Variants in ZDHHC14 observed in about 807,000 individuals in gnomAD.
ZDHHC14 encodes the protein palmitoyltransferase ZDHHC14.
A neutral mutation model predicts 47.7 loss-of-function variants in ZDHHC14; 16 were observed. The ratio of observed to expected loss-of-function variants is 0.34; its 90% CI spans 0.23 to 0.51. The LOEUF is 0.51. Ranked by LOEUF, ZDHHC14 falls within the 20% of genes least tolerant of loss-of-function variation. The pLI, the probability that ZDHHC14 is intolerant of heterozygous loss-of-function variation, is 0.97. For missense variants in ZDHHC14, 515 were observed against 662.5 expected (o/e 0.78, Z 2.44); for synonymous variants, 293 against 278.9 (o/e 1.05, Z -0.50).
chr6:157,490,861 G>A (rs998538344), intron 1 of ZDHHC14, among the ~76,000 whole-genome samples: 7 of 152,188 alleles, frequency 4.6e-5, no homozygotes, highest in Admixed American at 4.6e-4. Flanking sequence ...TCAATACCAG[G>A]CACTTTGGAG....
At chr6:157,384,177 T>A (rs1777268770) in intron 1 of ZDHHC14, among the ~76,000 whole-genome samples, 1 of 152,242 alleles carries the variant, frequency 6.6e-6, no homozygotes, top group African/African-American at 2.4e-5. Flanking sequence ...ATTTTGTGAT[T>A]CTGTTGCAGA....
intron 1 of ZDHHC14, among the ~76,000 whole-genome samples, chr6:157,394,356 T>A (rs1777481144): frequency 6.6e-6 from 1 of 152,246 alleles, no homozygotes; most frequent in African/African-American, 2.4e-5. Context: ...AAGGACAGAA[T>A]GTGTCAGAAA....
chr6:157,668,222 G>T (rs987281881), intron 8 of ZDHHC14, among the ~76,000 whole-genome samples: 1 of 152,128 alleles, frequency 6.6e-6, no homozygotes, highest in African/African-American at 2.4e-5. Context: ...TACAAAAGCA[G>T]TCCCTCTATC....
At chr6:157,471,208 G>C (rs927437900) in intron 1 of ZDHHC14, among the ~76,000 whole-genome samples, 1 of 152,224 alleles carries the variant, frequency 6.6e-6, no homozygotes, top group African/African-American at 2.4e-5. Context: ...TGGGACTGGC[G>C]CGGGGTCCAG....
At chr6:157,645,700 G>T in intron 5 of ZDHHC14, 37 bp from the exon 6 acceptor site, 1 of 1,570,468 alleles carries the variant, frequency 6.4e-7, no homozygotes. Context: ...TTCTTGCGCG[G>T]TCCCTCACTT....
At chr6:157,398,465 G>A (rs558546127) in intron 1 of ZDHHC14, among the ~76,000 whole-genome samples, 178 of 152,278 alleles carry the variant, frequency 1.2e-3, no homozygotes, top group African/African-American at 4.1e-3. Context: ...CTTCATTTGC[G>A]GGGAGGAAAG....
chr6:157,628,673 C>T, intron 4 of ZDHHC14, 187 bp downstream of exon 4: 1 of 690,892 alleles, frequency 1.4e-6, no homozygotes, highest in East Asian at 2.8e-5. Flanking sequence ...TCCTCCGTCC[C>T]CTGTCATCCC....
intron 1 of ZDHHC14, among the ~76,000 whole-genome samples, chr6:157,443,331 G>A (rs1278864509): frequency 6.6e-6 from 1 of 152,060 alleles, no homozygotes; most frequent in African/African-American, 2.4e-5. Flanking sequence ...ACCCAGTCTC[G>A]GATATTTCTT....
chr6:157,436,474 G>A (rs1778441300), intron 1 of ZDHHC14, among the ~76,000 whole-genome samples: 1 of 151,644 alleles, frequency 6.6e-6, no homozygotes, highest in Non-Finnish European at 1.5e-5. Context: ...TCTGGCAGCA[G>A]TAGGATGGAT....
intron 1 of ZDHHC14, among the ~76,000 whole-genome samples, chr6:157,390,003 C>T (rs957867707): frequency 6.6e-6 from 1 of 151,898 alleles, no homozygotes; most frequent in African/African-American, 2.4e-5. Flanking sequence ...CATGTATTTA[C>T]CGTTTCTGGT....
intron 1 of ZDHHC14, among the ~76,000 whole-genome samples, chr6:157,519,260 G>A (rs1780823455): frequency 6.6e-6 from 1 of 152,246 alleles, no homozygotes; most frequent in African/African-American, 2.4e-5. Flanking sequence ...ACTGGAAGCA[G>A]AGAGATAAGT....
At chr6:157,602,501 A>AG (rs2114909025) in intron 3 of ZDHHC14, among the ~76,000 whole-genome samples, 1 of 139,108 alleles carries the variant, frequency 7.2e-6, no homozygotes, top group East Asian at 2.0e-4. Flanking sequence ...AAAAAAAAAA[A>AG]AAAAAAACGC....
chr6:157,518,585 G>A (rs1274832833), intron 1 of ZDHHC14, among the ~76,000 whole-genome samples: 6 of 152,082 alleles, frequency 3.9e-5, no homozygotes, highest in Non-Finnish European at 5.9e-5. Flanking sequence ...ACACCCAACC[G>A]CCCCGGTGCA....
chr6:157,639,176 C>T (rs1482589832), intron 5 of ZDHHC14, among the ~76,000 whole-genome samples: 13 of 152,194 alleles, frequency 8.5e-5, no homozygotes, highest in Admixed American at 3.9e-4. Flanking sequence ...AGCTAAACCC[C>T]GATGGGGTGG....
chr6:157,552,399 C>T (rs1782270391), intron 2 of ZDHHC14, among the ~76,000 whole-genome samples: 1 of 151,972 alleles, frequency 6.6e-6, no homozygotes, highest in Non-Finnish European at 1.5e-5. Flanking sequence ...AGTGGATGTG[C>T]TGGGCGTGAG....
chr6:157,533,437 G>C lies in ZDHHC14; in HGVS notation c.246-9148G>C, dbSNP rs375314558. Among the ~76,000 whole-genome samples the C allele has an allele frequency of 3.9e-5, 6 of 152,252 alleles. No individual in the cohort carries two copies. The South Asian group carries it at 6.3e-4, about 16-fold the overall frequency. On this transcript the variant is annotated intron_variant, in intron 1 of 8. Transcript: ENST00000359775. Reference sequence around the variant, plus strand: ...GATTGTGTGCAGCACAGTCAGGGAAGGCTCTACAGAGATGGTGATATTTGA... The same window carrying C: ...GATTGTGTGCAGCACAGTCAGGGAACGCTCTACAGAGATGGTGATATTTGA...
chr6:157,446,318 C>T (rs975390352), intron 1 of ZDHHC14, among the ~76,000 whole-genome samples: 2 of 152,184 alleles, frequency 1.3e-5, no homozygotes, highest in South Asian at 2.1e-4. Flanking sequence ...GCAATCCATT[C>T]CCAAAAACCT....
intron 5 of ZDHHC14, among the ~76,000 whole-genome samples, chr6:157,634,964 G>A (rs1247660579): frequency 6.6e-6 from 1 of 152,010 alleles, no homozygotes; most frequent in Non-Finnish European, 1.5e-5. Flanking sequence ...GAGGGGCTGT[G>A]TGTAGAGTGG....
At chr6:157,533,775 G>A (rs1038742189) in intron 1 of ZDHHC14, among the ~76,000 whole-genome samples, 3 of 152,252 alleles carry the variant, frequency 2.0e-5, no homozygotes, top group African/African-American at 4.8e-5. Context: ...AGGCTGCAAC[G>A]TGGAAAGCCC....
Sources: allele counts gnomAD v4.1 joint callset (sites outside exome capture counted in the v4.1 genomes callset), GRCh38; gene constraint gnomAD v4.1.1; transcripts MANE v1.5; gene names NCBI Gene and HGNC (gene_info 2026-07-23, HGNC 2026-07-21).